The following DMD variants were observed in gnomAD, a reference collection of about 807,000 sequenced individuals.
The protein encoded by DMD is dystrophin, also known as mutant dystrophin.
Under a neutral mutation model 330.1 loss-of-function variants are expected in DMD, and 63 were observed. The ratio of observed to expected loss-of-function variants is 0.19; its 90% CI spans 0.16 to 0.24. The LOEUF (loss-of-function observed/expected upper bound fraction) is 0.24. Ranked by LOEUF, DMD falls within the 10% of genes least tolerant of loss-of-function variation. DMD has a pLI of 1.00. For missense variants in DMD, 3,344 were observed against 2,684.1 expected (o/e 1.25, Z -5.43); for synonymous variants, 1,223 against 959.8 (o/e 1.27, Z -5.07).
chrX:31,831,480 T>C (rs980990420), intron 49 of DMD, among the ~76,000 whole-genome samples: 1 of 112,512 alleles, frequency 8.9e-6, no homozygotes, highest in Non-Finnish European at 1.9e-5. Flanking sequence ...AAATCTATTA[T>C]AAATTTTTTC....
intron 60 of DMD, among the ~76,000 whole-genome samples, chrX:31,350,722 A>G (rs1440821371): frequency 9.2e-6 from 1 of 108,991 alleles, no homozygotes; most frequent in Non-Finnish European, 1.9e-5. Flanking sequence ...CACTGACTGC[A>G]GGTCTGTAAT....
intron 55 of DMD, chrX:31,508,196 G>C (rs1603282514): frequency 1.7e-6 from 2 of 1,184,880 alleles, no homozygotes; most frequent in Non-Finnish European, 2.3e-6. Flanking sequence ...TATTATAGTA[G>C]AAGAATCTGA....
At chrX:32,517,888 T>C in intron 18 of DMD, 120 bp downstream of exon 18, 1 of 820,927 alleles carries the variant, frequency 1.2e-6, no homozygotes, top group Non-Finnish European at 1.8e-6. Flanking sequence ...TTAAGACATA[T>C]TAAACAGCAT....
intron 71 of DMD, among the ~76,000 whole-genome samples, chrX:31,174,516 G>C (rs919936050): frequency 9.0e-6 from 1 of 110,888 alleles, no homozygotes; most frequent in Admixed American, 9.6e-5. Context: ...AACCAGTTTA[G>C]GCTTGGACTT....
intron 7 of DMD, among the ~76,000 whole-genome samples, chrX:32,796,401 G>C (rs747085145): frequency 9.0e-6 from 1 of 111,548 alleles, no homozygotes; most frequent in African/African-American, 3.3e-5. Flanking sequence ...ATATATAGGT[G>C]TAAAAAAAGT....
chrX:32,605,236 G>A (rs1039271311), intron 12 of DMD, among the ~76,000 whole-genome samples: 1 of 110,199 alleles, frequency 9.1e-6, no homozygotes, highest in Non-Finnish European at 1.9e-5. Flanking sequence ...TAAGAACCCA[G>A]ATATAAAACC....
chrX:31,217,308 T>C (rs1467557720), intron 64 of DMD, among the ~76,000 whole-genome samples: 1 of 112,093 alleles, frequency 8.9e-6, no homozygotes, highest in Non-Finnish European at 1.9e-5. Context: ...AACACTTAAC[T>C]GATTACAAAC....
intron 42 of DMD, among the ~76,000 whole-genome samples, chrX:32,300,684 A>G (rs953780976): frequency 9.0e-6 from 1 of 111,439 alleles, no homozygotes; most frequent in African/African-American, 3.3e-5. Flanking sequence ...AGGGGGTTTT[A>G]TAGAAGTAAG....
intron 2 of DMD, among the ~76,000 whole-genome samples, chrX:32,939,129 T>TC (rs1327902779): frequency 1.8e-5 from 2 of 109,048 alleles, no homozygotes; most frequent in South Asian, 3.9e-4. Flanking sequence ...AAATACCCTG[T>TC]CACTTCGCTA....
chrX:31,321,164 G>A (rs1472827495), intron 62 of DMD, among the ~76,000 whole-genome samples: 1 of 111,374 alleles, frequency 9.0e-6, no homozygotes, highest in African/African-American at 3.3e-5. Flanking sequence ...AGATATTATC[G>A]AACAAAAGCT....
In DMD at chrX:32,427,260, G is replaced by T. The variant is rs73467634; in HGVS notation, c.4071+10981C>A. The stretch of plus-strand genomic sequence containing the variant: ...AACAGAGGTGGAGAAAACGGTGTTG[G>T]GTAGCTTTGATAGGAGCTGTCATCT... On this transcript the variant is annotated intron_variant, in intron 29 of 78. Transcript: ENST00000357033. Among the ~76,000 whole-genome samples, 328 of 111,212 alleles carry T rather than the reference G, an allele frequency of 2.9e-3. 2 individuals carry two copies. The highest frequency in any genetic ancestry group is 0.01 in the African/African-American group (315 of 30,666).
intron 51 of DMD, among the ~76,000 whole-genome samples, chrX:31,772,395 T>C (rs2090392899): frequency 8.9e-6 from 1 of 112,056 alleles, no homozygotes; most frequent in Non-Finnish European, 1.9e-5. Flanking sequence ...TTAAACATTA[T>C]AAAATATTGT....
At chrX:32,362,689 A>T (rs895867840) in intron 37 of DMD, 99 bp downstream of exon 37, 5 of 984,630 alleles carry the variant, frequency 5.1e-6, no homozygotes, top group African/African-American at 1.9e-5. Flanking sequence ...TCCTTTTGAA[A>T]ACCTTGCTGT....
chrX:32,275,112 A>G (rs2097380785), intron 43 of DMD, among the ~76,000 whole-genome samples: 1 of 112,106 alleles, frequency 8.9e-6, no homozygotes, highest in African/African-American at 3.2e-5. Context: ...TAGATTATAC[A>G]GCCTTCAGCA....
chrX:33,212,529 T>A (rs1203328977), upstream of DMD, among the ~76,000 whole-genome samples: 1 of 111,946 alleles, frequency 8.9e-6, no homozygotes, highest in Admixed American at 9.5e-5. Flanking sequence ...AAAATTTTTG[T>A]TTGAGTGTTT....
intron 1 of DMD, among the ~76,000 whole-genome samples, chrX:33,179,665 G>A (rs1435146427): frequency 9.5e-6 from 1 of 105,730 alleles, no homozygotes; most frequent in African/African-American, 3.5e-5. Context: ...CTGCACTCTA[G>A]CCTGGGTGAC....
At chrX:31,882,184 T>C (rs1303469502) in intron 47 of DMD, among the ~76,000 whole-genome samples, 1 of 112,086 alleles carries the variant, frequency 8.9e-6, no homozygotes, top group Admixed American at 9.5e-5. Flanking sequence ...TTTAAGAATG[T>C]TTGCCACCAG....
chrX:33,148,267 T>C (rs954487652), intron 1 of DMD, among the ~76,000 whole-genome samples: 1 of 112,274 alleles, frequency 8.9e-6, no homozygotes, highest in Non-Finnish European at 1.9e-5. Context: ...ATCAATTCAA[T>C]CTTACACACC....
intron 43 of DMD, among the ~76,000 whole-genome samples, chrX:32,232,261 TAG>T (rs972429438): frequency 8.9e-6 from 1 of 112,073 alleles, no homozygotes; most frequent in African/African-American, 3.2e-5. Flanking sequence ...CTTATAAAAA[TAG>T]AGATACAGTA....
Sources: allele counts gnomAD v4.1 joint callset (sites outside exome capture counted in the v4.1 genomes callset), GRCh38; gene constraint gnomAD v4.1.1; transcripts MANE v1.5; gene names NCBI Gene and HGNC (gene_info 2026-07-23, HGNC 2026-07-21).